The following ZNF385B variants were observed in gnomAD, a reference collection of about 807,000 sequenced individuals.
ZNF385B encodes zinc finger protein 385B, also known as zinc finger protein 533.
A neutral mutation model predicts 39.2 loss-of-function variants in ZNF385B; 23 were observed. The observed-to-expected ratio is 0.59, with a 90% CI of 0.42 to 0.83. The LOEUF (loss-of-function observed/expected upper bound fraction) is 0.83. Ranked by LOEUF, ZNF385B falls within the 40% of genes least tolerant of loss-of-function variation. ZNF385B has a pLI of 0.00. For missense variants in ZNF385B, 552 were observed against 598.9 expected, an observed-to-expected ratio of 0.92 and a Z score of 0.82; for synonymous variants, 205 against 222.6, an observed-to-expected ratio of 0.92 and a Z score of 0.70.
chr2:179,568,289 G>T (rs910825346), intron 3 of ZNF385B, among the ~76,000 whole-genome samples: 5 of 152,040 alleles, frequency 3.3e-5, no homozygotes, highest in African/African-American at 1.2e-4. Flanking sequence ...ACACTGCTCG[G>T]TTTATTTACT....
chr2:179,690,234 T>G (rs1698254276), intron 3 of ZNF385B, among the ~76,000 whole-genome samples: 1 of 151,660 alleles, frequency 6.6e-6, no homozygotes, highest in Non-Finnish European at 1.5e-5. Context: ...GAGAGAGAAC[T>G]GAGATACTGG....
chr2:179,594,376 C>G (rs1171724330), intron 3 of ZNF385B, among the ~76,000 whole-genome samples: 6 of 152,144 alleles, frequency 3.9e-5, no homozygotes, highest in Admixed American at 1.3e-4. Flanking sequence ...TGGCAGTATG[C>G]TAATTTAGTC....
chr2:179,780,987 C>T (rs1188467426), intron 1 of ZNF385B, among the ~76,000 whole-genome samples: 3 of 152,188 alleles, frequency 2.0e-5, no homozygotes, highest in South Asian at 4.2e-4. Context: ...CTGGGACTGC[C>T]CCAGGTAAAA....
At chr2:179,760,077 C>A (rs1459585576) in intron 3 of ZNF385B, among the ~76,000 whole-genome samples, 3 of 145,848 alleles carry the variant, frequency 2.1e-5, no homozygotes, top group African/African-American at 7.6e-5. Context: ...GAGACGGAGT[C>A]TCACTCTGTC....
At position 179,586,477 on chromosome 2, in the gene ZNF385B, G is replaced by A. The variant is rs560084283; in HGVS notation, c.299-41508C>T. Reference sequence around the variant, plus strand: ...TATTACCAATAAGGAAACAAGGCCCGAAAGAAGCTAAATGACTCGCCTAAG... The same window carrying A: ...TATTACCAATAAGGAAACAAGGCCCAAAAGAAGCTAAATGACTCGCCTAAG... On this transcript the variant is annotated intron_variant, in intron 3 of 9. Transcript: ENST00000410066. Among the ~76,000 whole-genome samples the A allele has an allele frequency of 1.1e-3, 172 of 152,226 alleles. 5 individuals are homozygous for A. The South Asian group carries it at 0.02, about 17-fold the overall frequency.
chr2:179,697,922 T>C (rs897014687), intron 3 of ZNF385B, among the ~76,000 whole-genome samples: 4 of 152,178 alleles, frequency 2.6e-5, no homozygotes, highest in Admixed American at 2.6e-4. Flanking sequence ...ACCATCATTC[T>C]CAGCAAACTA....
At chr2:179,548,264 A>T (rs186101290) in intron 3 of ZNF385B, among the ~76,000 whole-genome samples, 41 of 149,432 alleles carry the variant, frequency 2.7e-4, no homozygotes, top group Non-Finnish European at 3.0e-4. Context: ...ACCTCTTTAG[A>T]TATCTGGTTT....
rs139263501 is a variant in ZNF385B, at chr2:179,782,158, T to A, written c.-154-11486A>T. 5.9e-5 allele frequency among the ~76,000 whole-genome samples: 9 copies of A among 152,308 alleles called. No homozygotes were observed. In the East Asian group the frequency reaches 1.7e-3, roughly 29 times the overall value. On this transcript the variant is annotated intron_variant, in intron 1 of 9. Coordinates refer to ENST00000410066, the MANE Select transcript of ZNF385B (RefSeq NM_152520.6). Reference sequence around the variant, plus strand: ...ACCATGATAAAGTAGGCTTCATCCCTGGGATGTAAGGTTGGTTCAACACAT... The same window carrying A: ...ACCATGATAAAGTAGGCTTCATCCCAGGGATGTAAGGTTGGTTCAACACAT...
At chr2:179,768,297 AC>A (rs1188889578) in intron 3 of ZNF385B, among the ~76,000 whole-genome samples, 1 of 152,070 alleles carries the variant, frequency 6.6e-6, no homozygotes. Flanking sequence ...AAATGAATAC[AC>A]CTTGGAATAA....
At chr2:179,708,535 A>C (rs1212571391) in intron 3 of ZNF385B, among the ~76,000 whole-genome samples, 1 of 152,212 alleles carries the variant, frequency 6.6e-6, no homozygotes, top group African/African-American at 2.4e-5. Flanking sequence ...GGCTGTGATC[A>C]ACAGGTTCAA....
At position 179,567,932 on chromosome 2, in the gene ZNF385B, C is replaced by T. The variant is rs116033326; in HGVS notation, c.299-22963G>A. On this transcript the variant is annotated intron_variant, in intron 3 of 9. Coordinates refer to ENST00000410066, the MANE Select transcript of ZNF385B (RefSeq NM_152520.6). ...TCTTTCCGGGACCACTTACGGTCTC[C>T]GACATTTGGTTCTCACACAGCAGCC... 3.9e-3 allele frequency among the ~76,000 whole-genome samples: 589 copies of T among 152,198 alleles called. 4 individuals carry two copies. Among genetic ancestry groups the T allele is most frequent in the African/African-American group, 0.014 (562 of 41,528 alleles).
chr2:179,809,472 C>A (rs1382822081), intron 1 of ZNF385B, among the ~76,000 whole-genome samples: 1 of 152,008 alleles, frequency 6.6e-6, no homozygotes, highest in African/African-American at 2.4e-5. Flanking sequence ...TGAAACATGG[C>A]CAAGGAAATA....
chr2:179,819,512 C>A (rs1449971692), intron 1 of ZNF385B, among the ~76,000 whole-genome samples: 1 of 152,218 alleles, frequency 6.6e-6, no homozygotes, highest in Non-Finnish European at 1.5e-5. Flanking sequence ...GACCTTTCCA[C>A]CCCTTCCAAG....
At chr2:179,728,667 C>T (rs533518753) in intron 3 of ZNF385B, among the ~76,000 whole-genome samples, 19 of 152,220 alleles carry the variant, frequency 1.2e-4, no homozygotes, top group African/African-American at 3.4e-4. Context: ...ATTGCACTTT[C>T]TTCCCAAAGG....
intron 1 of ZNF385B, among the ~76,000 whole-genome samples, chr2:179,782,933 A>G (rs1704757367): frequency 6.6e-6 from 1 of 152,220 alleles, no homozygotes; most frequent in South Asian, 2.1e-4. Flanking sequence ...ATTCAACGCT[A>G]TTCCTATCAA....
At chr2:179,493,483 ATGTATAAACG>A in intron 5 of ZNF385B, among the ~76,000 whole-genome samples, 1 of 49,574 alleles carries the variant, frequency 2.0e-5, no homozygotes, top group Non-Finnish European at 4.9e-5. Flanking sequence ...GTGTACACAT[ATGTATAAACG>A]TGTGTGTACA....
rs1301569184 is a variant in ZNF385B, at chr2:179,693,339, A to G, written c.298+76164T>C. Among the ~76,000 whole-genome samples the G allele has an allele frequency of 2.0e-5, 3 of 152,116 alleles. No homozygotes were observed. The East Asian group carries it at 5.8e-4, about 29-fold the overall frequency. On this transcript the variant is annotated intron_variant, in intron 3 of 9. Transcript: ENST00000410066. ...AATCAGGTGGGATGCTGAATGACTG[A>G]AGGGAGAAGGGGGCAGAAACATGGC...
chr2:179,700,598 A>G (rs1699117528), intron 3 of ZNF385B, among the ~76,000 whole-genome samples: 1 of 152,248 alleles, frequency 6.6e-6, no homozygotes, highest in Non-Finnish European at 1.5e-5. Context: ...ATAGCAAAGA[A>G]AGACAATTCG....
At chr2:179,855,533 G>A (rs1684523682) in intron 1 of ZNF385B, among the ~76,000 whole-genome samples, 1 of 152,140 alleles carries the variant, frequency 6.6e-6, no homozygotes, top group African/African-American at 2.4e-5. Flanking sequence ...TAAAGTTGAT[G>A]TGGCACCAAA....
Sources: allele counts gnomAD v4.1 joint callset (sites outside exome capture counted in the v4.1 genomes callset), GRCh38; gene constraint gnomAD v4.1.1; transcripts MANE v1.5; gene names NCBI Gene and HGNC (gene_info 2026-07-23, HGNC 2026-07-21).